The following RUNX1T1 variants were observed in gnomAD, a reference collection of about 807,000 sequenced individuals.
RUNX1T1 encodes the protein protein CBFA2T1.
RUNX1T1 carries 4 observed loss-of-function variants against 62.8 expected under a neutral mutation model. The ratio of observed to expected loss-of-function variants is 0.06; its 90% CI spans 0.03 to 0.15. The LOEUF (loss-of-function observed/expected upper bound fraction) is 0.15. Ranked by LOEUF, RUNX1T1 falls within the 10% of genes least tolerant of loss-of-function variation. The pLI, the probability that RUNX1T1 is intolerant of heterozygous loss-of-function variation, is 1.00. For synonymous variants in RUNX1T1, 291 were observed against 286.0 expected, an observed-to-expected ratio of 1.02 and a Z score of -0.18; for missense variants, 508 against 754.3, an observed-to-expected ratio of 0.67 and a Z score of 3.82.
intron 3 of RUNX1T1, 138 bp from the exon 5 acceptor site, chr8:92,011,229 A>C (rs1395153066): frequency 3.4e-6 from 2 of 592,406 alleles, no homozygotes; most frequent in Non-Finnish European, 6.0e-6. Flanking sequence ...ATTTTCAATA[A>C]AACCTATTGA....
intron 1 of RUNX1T1, among the ~76,000 whole-genome samples, chr8:92,097,131 G>T (rs1354178706): frequency 6.6e-6 from 1 of 152,134 alleles, no homozygotes; most frequent in African/African-American, 2.4e-5. Context: ...ATAAAAAGGG[G>T]TCTGCCACAA....
chr8:92,060,553 A>ATATATATATGTGTGTGTGTGTGTG, intron 1 of RUNX1T1, among the ~76,000 whole-genome samples: 120 of 63,838 alleles, frequency 1.9e-3, no homozygotes, highest in African/African-American at 3.6e-3. Flanking sequence ...ATATATATAT[A>ATATATATATGTGTGTGTGTGTGTG]TGTGTGTGTG....
At chr8:92,053,216 G>C (rs889402787) in intron 1 of RUNX1T1, among the ~76,000 whole-genome samples, 3 of 151,956 alleles carry the variant, frequency 2.0e-5, no homozygotes, top group African/African-American at 7.3e-5. Context: ...AATTTTACCT[G>C]TCTATCAAAT....
At chr8:92,017,755 A>ACAGACTTCAGGTTTTT in intron 1 of RUNX1T1, 1 of 568,856 alleles carries the variant, frequency 1.8e-6, no homozygotes, top group Non-Finnish European at 2.4e-6. Context: ...AAAAACCTGA[A>ACAGACTTCAGGTTTTT]GTCTGTTATG....
rs186190788 is a variant in RUNX1T1, at chr8:92,078,225, T to A, written c.-85-2088A>T. Among the ~76,000 whole-genome samples the A allele has an allele frequency of 2.7e-3, 413 of 152,082 alleles. 2 individuals carry two copies. The highest frequency in any genetic ancestry group is 4.0e-3 in the Non-Finnish European group (272 of 67,946). On this transcript the variant is annotated intron_variant, in intron 1 of 11. Transcript: ENST00000265814. Reference sequence around the variant, plus strand: ...CTAAAAAAAAAAAAAGAGCTAATCTTTGGATTTTTCAAAACAATGACTGGA... The same window carrying A: ...CTAAAAAAAAAAAAAGAGCTAATCTATGGATTTTTCAAAACAATGACTGGA...
intron 1 of RUNX1T1, among the ~76,000 whole-genome samples, chr8:92,085,600 C>T (rs1325725479): frequency 6.6e-6 from 1 of 152,012 alleles, no homozygotes; most frequent in Non-Finnish European, 1.5e-5. Context: ...TTAAAAAATC[C>T]AATTCTGACA....
intron 7 of RUNX1T1, among the ~76,000 whole-genome samples, chr8:91,986,610 T>C (rs1163877378): frequency 6.6e-6 from 1 of 152,204 alleles, no homozygotes; most frequent in African/African-American, 2.4e-5. Context: ...CCCATTACTT[T>C]ATAAATTAAA....
chr8:92,081,246 AGT>A, intron 1 of RUNX1T1: 1 of 964,352 alleles, frequency 1.0e-6, no homozygotes, highest in Non-Finnish European at 1.2e-6. Context: ...TAGTGCTCCC[AGT>A]GCAAGTATTA....
At chr8:92,021,260 G>A (rs1330007711) in intron 1 of RUNX1T1, among the ~76,000 whole-genome samples, 2 of 152,148 alleles carry the variant, frequency 1.3e-5, no homozygotes, top group Non-Finnish European at 2.9e-5. Context: ...GAGGCATCAA[G>A]GTGGGTATAG....
chr8:92,047,747 G>T, intron 1 of RUNX1T1, among the ~76,000 whole-genome samples: 1 of 149,366 alleles, frequency 6.7e-6, no homozygotes, highest in East Asian at 2.0e-4. Context: ...TAGGCACTAT[G>T]GATTTAAAAA....
intron 2 of RUNX1T1, among the ~76,000 whole-genome samples, chr8:92,070,744 ACTG>A (rs1833547226): frequency 6.6e-6 from 1 of 152,248 alleles, no homozygotes. Flanking sequence ...AAAGGTATAT[ACTG>A]CTCTCTTTAC....
chr8:92,067,044 A>G (rs1232890089), upstream of RUNX1T1, among the ~76,000 whole-genome samples: 1 of 152,204 alleles, frequency 6.6e-6, no homozygotes, highest in Non-Finnish European at 1.5e-5. Context: ...CTTTGCTTAG[A>G]TGACAAAAGA....
chr8:92,030,759 T>C (rs1357694339), intron 1 of RUNX1T1, among the ~76,000 whole-genome samples: 1 of 152,190 alleles, frequency 6.6e-6, no homozygotes, highest in African/African-American at 2.4e-5. Context: ...ATCCTTCTCC[T>C]AGCTATCTCT....
chr8:92,052,508 A>G (rs1169527050), intron 1 of RUNX1T1, among the ~76,000 whole-genome samples: 2 of 152,232 alleles, frequency 1.3e-5, no homozygotes, highest in East Asian at 1.9e-4. Context: ...ACAAAAATAA[A>G]AAGAAAAAAT....
downstream of RUNX1T1, chr8:91,957,950 A>T (rs907622067): frequency 4.5e-6 from 1 of 221,442 alleles, no homozygotes; most frequent in Non-Finnish European, 9.0e-6. Context: ...AAACAAAATT[A>T]AAACCAACTT....
chr8:91,955,813 A>C (rs1474918872), downstream of RUNX1T1: 1 of 226,880 alleles, frequency 4.4e-6, no homozygotes, highest in Non-Finnish European at 8.8e-6. Context: ...ACACATAAAA[A>C]CTAACAGCAT....
At chr8:91,982,088 T>C (rs1038548262) in intron 8 of RUNX1T1, among the ~76,000 whole-genome samples, 1 of 150,816 alleles carries the variant, frequency 6.6e-6, no homozygotes, top group Non-Finnish European at 1.5e-5. Flanking sequence ...CTACAAAAAA[T>C]ACAAAAAAAT....
intron 1 of RUNX1T1, among the ~76,000 whole-genome samples, chr8:92,028,672 G>A (rs978869043): frequency 2.0e-5 from 3 of 152,116 alleles, no homozygotes; most frequent in Non-Finnish European, 2.9e-5. Flanking sequence ...AAAGCCCCTG[G>A]CACAGGCAAA....
rs966820811 is a variant in RUNX1T1, at chr8:92,062,703, C to T, written c.-151G>A. ...ATCGCCGGAGGCAGGGTGCTGGGCG[C>T]GTGCGCCTGCCAGGCAGAGACAGAT... On this transcript the variant is annotated 5_prime_UTR_variant, in exon 1 of 11. Transcript: ENST00000396218. 2.0e-5 allele frequency: 32 copies of T among 1,581,572 alleles called. No individual in the cohort carries two copies. The African/African-American group carries it at 3.3e-4, about 17-fold the overall frequency.
Sources: gnomAD v4.1 joint callset for allele counts (sites outside exome capture counted in the v4.1 genomes callset) on GRCh38, gnomAD v4.1.1 for gene constraint, MANE v1.5 for transcripts, NCBI Gene and HGNC (gene_info 2026-07-23, HGNC 2026-07-21) for gene names.